Variants in DSE observed in about 807,000 individuals in gnomAD.
DSE encodes dermatan-sulfate epimerase.
Under a neutral mutation model 84.4 loss-of-function variants are expected in DSE, and 36 were observed. The ratio of observed to expected loss-of-function variants is 0.43; its 90% CI spans 0.33 to 0.56. DSE has a LOEUF of 0.56. DSE is among the 20% of genes least tolerant of loss of function. The pLI is 0.06. For missense variants in DSE, 862 were observed against 1,169.6 expected, an observed-to-expected ratio of 0.74 and a Z score of 3.84; for synonymous variants, 410 against 430.1, an observed-to-expected ratio of 0.95 and a Z score of 0.58.
intron 1 of DSE, among the ~76,000 whole-genome samples, chr6:116,386,648 C>T (rs1583148310): frequency 6.6e-6 from 1 of 152,228 alleles, no homozygotes. Context: ...AGACTCCAGC[C>T]TCTCCAGAGC....
intron 2 of DSE, among the ~76,000 whole-genome samples, chr6:116,422,677 A>C (rs1783169217): frequency 6.6e-6 from 1 of 152,212 alleles, no homozygotes; most frequent in Admixed American, 6.5e-5. Flanking sequence ...TTTAAAAATT[A>C]AACAACAACA....
chr6:116,332,295 A>G (rs1450089899), intron 2 of DSE, among the ~76,000 whole-genome samples: 1 of 152,164 alleles, frequency 6.6e-6, no homozygotes, highest in Non-Finnish European at 1.5e-5. Context: ...ATATTGGAAG[A>G]CTCAGCATTT....
chr6:116,340,001 A>G (rs1231979849), intron 2 of DSE, among the ~76,000 whole-genome samples: 2 of 152,188 alleles, frequency 1.3e-5, no homozygotes, highest in Non-Finnish European at 2.9e-5. Flanking sequence ...TGGGATTTTA[A>G]AAGTCACTGA....
intron 3 of DSE, among the ~76,000 whole-genome samples, chr6:116,429,332 A>T (rs1288508310): frequency 2.6e-5 from 4 of 152,062 alleles, no homozygotes; most frequent in Admixed American, 2.6e-4. Context: ...AGCTGGTTAG[A>T]TCTGGGCCTC....
Position 116,435,962 on chromosome 6 carries a change from G to A in DSE, c.1494G>A (p.Trp498Ter). 6.2e-7 allele frequency: 1 copy of A among 1,614,064 alleles called. No individual in the cohort carries two copies. The highest frequency in any genetic ancestry group is 1.1e-5 in the South Asian group (1 of 91,078). Residue 498 changes from tryptophan to a stop codon, truncating the protein, a stop_gained, in exon 6 of 6, where the codon TGG becomes TGA. Transcript: ENST00000644252. LOFTEE classifies it high-confidence loss of function. Reference sequence around the variant, plus strand: ...TGTCAAAGAGCTGCTTTTCTCCCTGGGTGGGTCAGGTCACAGAAGACTGCT... The same window carrying A: ...TGTCAAAGAGCTGCTTTTCTCCCTGAGTGGGTCAGGTCACAGAAGACTGCT... ...PAVSKSCFSP[W>*]VGQVTEDCSS...
chr6:116,280,136 G>T, intron 2 of DSE: 1 of 461,412 alleles, frequency 2.2e-6, no homozygotes, highest in Non-Finnish European at 4.2e-6. Flanking sequence ...GACCCACCTT[G>T]AGATGCATCT....
rs1247284756 is a variant in DSE, at chr6:116,443,104, G to C, written c.*5759G>C. The C allele has an allele frequency of 2.6e-5, 4 of 152,204 alleles. No homozygotes were observed. The highest frequency in any genetic ancestry group is 1.5e-5 in the Non-Finnish European group (1 of 68,048). The allele number at this position is 152,204 out of a possible 1,614,324, so 9.4% of individuals were successfully genotyped here. On this transcript the variant is annotated 3_prime_UTR_variant, in exon 6 of 6. Coordinates refer to ENST00000644252, the MANE Select transcript of DSE (RefSeq NM_013352.4). ...TTCAGTGTAGAGAGTGGACCCAATG[G>C]GGAAGAGGTTAGGAGACCATTTCCA...
At chr6:116,294,941 G>T (rs1774562464) in intron 2 of DSE, among the ~76,000 whole-genome samples, 1 of 152,142 alleles carries the variant, frequency 6.6e-6, no homozygotes, top group South Asian at 2.1e-4. Flanking sequence ...TCCTTACTGA[G>T]CACTTCCTAT....
At chr6:116,277,049 T>C (rs1773174724) in intron 2 of DSE, 1 of 152,256 alleles carries the variant, frequency 6.6e-6, no homozygotes, top group Admixed American at 6.5e-5. Flanking sequence ...GTCTCTATAT[T>C]GTACAGGCAA....
chr6:116,414,419 AT>A (rs34170360), intron 2 of DSE, among the ~76,000 whole-genome samples: 94,845 of 150,402 alleles, frequency 0.63, 30,708 homozygotes, highest in Admixed American at 0.71. Flanking sequence ...GTGTTTGCTC[AT>A]TTTTTTTTTT....
intron 5 of DSE, among the ~76,000 whole-genome samples, chr6:116,434,554 G>C (rs1357927028): frequency 6.6e-6 from 1 of 152,018 alleles, no homozygotes; most frequent in African/African-American, 2.4e-5. Context: ...ATTCAATGAA[G>C]AGAGTTCTAT....
chr6:116,254,479 A>G, intron 1 of DSE: 1 of 288,982 alleles, frequency 3.5e-6, no homozygotes, highest in South Asian at 3.0e-5. Context: ...TAAGGTGTGG[A>G]TTCATGGCTA....
chr6:116,411,113 T>C (rs1186698635), intron 2 of DSE, among the ~76,000 whole-genome samples: 1 of 152,192 alleles, frequency 6.6e-6, no homozygotes, highest in Non-Finnish European at 1.5e-5. Context: ...TTTTAGCTGC[T>C]TCCTGTTTGC....
intron 2 of DSE, among the ~76,000 whole-genome samples, chr6:116,314,986 C>G (rs1047225286): frequency 1.3e-5 from 2 of 152,280 alleles, no homozygotes; most frequent in East Asian, 3.9e-4. Flanking sequence ...AGGCTCTGAA[C>G]CCATTGTTTT....
chr6:116,285,821 A>G (rs1304864993), intron 2 of DSE, among the ~76,000 whole-genome samples: 1 of 152,192 alleles, frequency 6.6e-6, no homozygotes, highest in Non-Finnish European at 1.5e-5. Flanking sequence ...GTCAAAGATC[A>G]GATGGTTGTA....
intron 2 of DSE, among the ~76,000 whole-genome samples, chr6:116,421,739 G>A (rs1783108227): frequency 6.6e-6 from 1 of 151,830 alleles, no homozygotes; most frequent in Non-Finnish European, 1.5e-5. Flanking sequence ...AGGATTACAG[G>A]CATAAGCCAC....
chr6:116,428,936 C>G lies in DSE; in HGVS notation c.671-2018C>G, dbSNP rs540875594. 2.5e-3 allele frequency among the ~76,000 whole-genome samples: 380 copies of G among 152,196 alleles called. 1 individual carries two copies. Among genetic ancestry groups the G allele is most frequent in the African/African-American group, 8.9e-3 (368 of 41,528 alleles). On this transcript the variant is annotated intron_variant, in intron 3 of 5. Coordinates refer to ENST00000644252, the MANE Select transcript of DSE (RefSeq NM_013352.4). ...ATTAACAGTATCAGTACCTTGTATT[C>G]ACAGAGAGTTGCAGTTTACAAAGTA...
rs1482535684 is a variant in DSE, at chr6:116,406,967, G to A, written c.416+7301G>A. Among the ~76,000 whole-genome samples the A allele has an allele frequency of 2.0e-5, 3 of 152,284 alleles. No homozygotes were observed. The East Asian group carries it at 5.8e-4, about 29-fold the overall frequency. On this transcript the variant is annotated intron_variant, in intron 2 of 5. Transcript: ENST00000644252. The stretch of plus-strand genomic sequence containing the variant: ...AGAAGCTTATAATATTAGTGTAGGA[G>A]GGAAATGAAGACCACAGTTAAAACA...
At position 116,412,964 on chromosome 6, in the gene DSE, T is replaced by C. The variant is rs148857063; in HGVS notation, c.416+13298T>C. 4.8e-3 allele frequency among the ~76,000 whole-genome samples: 727 copies of C among 152,154 alleles called. 7 individuals are homozygous for C. The highest frequency in any genetic ancestry group is 0.017 in the African/African-American group (708 of 41,490). Reference sequence around the variant, plus strand: ...ACATGCGGTATTGTGGTATTTGGTTTTCTGTGTCTGCATTACTTTGCTTAG... The same window carrying C: ...ACATGCGGTATTGTGGTATTTGGTTCTCTGTGTCTGCATTACTTTGCTTAG... On this transcript the variant is annotated intron_variant, in intron 2 of 5. Transcript: ENST00000644252.
Sources: gnomAD v4.1 joint callset for allele counts (sites outside exome capture counted in the v4.1 genomes callset) on GRCh38, gnomAD v4.1.1 for gene constraint, MANE v1.5 for transcripts, NCBI Gene and HGNC (gene_info 2026-07-23, HGNC 2026-07-21) for gene names.